Variants in ATF2 observed in about 807,000 individuals in gnomAD.
ATF2 encodes cyclic AMP-dependent transcription factor ATF-2.
In ATF2, 24 loss-of-function variants were observed where a neutral mutation model predicts 60.6. The ratio of observed to expected loss-of-function variants is 0.40; its 90% CI spans 0.29 to 0.56. The LOEUF is 0.56. ATF2 is among the 20% of genes least tolerant of loss of function. ATF2 has a pLI of 0.54. For synonymous variants in ATF2, 206 were observed against 215.4 expected, an observed-to-expected ratio of 0.96 and a Z score of 0.38; for missense variants, 433 against 607.7, an observed-to-expected ratio of 0.71 and a Z score of 3.02.
intron 12 of ATF2, among the ~76,000 whole-genome samples, chr2:175,082,340 A>C (rs916271343): frequency 2.6e-5 from 4 of 152,186 alleles, no homozygotes; most frequent in African/African-American, 9.6e-5. Flanking sequence ...CAAAAGGTAA[A>C]ATTTAAAACA....
At chr2:175,141,617 T>G (rs980393620) in intron 2 of ATF2, among the ~76,000 whole-genome samples, 26 of 151,942 alleles carry the variant, frequency 1.7e-4, no homozygotes, top group African/African-American at 6.3e-4. Flanking sequence ...CTCAGCCTCC[T>G]AAGTAGCTGG....
At position 175,150,324 on chromosome 2, in the gene ATF2, T is replaced by C. The variant is rs531117601; in HGVS notation, c.-44+736A>G. Among the ~76,000 whole-genome samples the C allele has an allele frequency of 2.6e-5, 4 of 152,314 alleles. No individual in the cohort carries two copies. In the East Asian group the frequency reaches 7.7e-4, roughly 29 times the overall value. On this transcript the variant is annotated intron_variant, in intron 2 of 13. Coordinates refer to ENST00000264110, the MANE Select transcript of ATF2 (RefSeq NM_001880.4). Reference sequence around the variant, plus strand: ...AAAAAACCCAATCTGCTTGTATATTTTGATATATCTAACAAAGTCTATCAC... The same window carrying C: ...AAAAAACCCAATCTGCTTGTATATTCTGATATATCTAACAAAGTCTATCAC...
chr2:175,119,095 T>C lies in ATF2; in HGVS notation c.200-726A>G, dbSNP rs544743351. Among the ~76,000 whole-genome samples, 6 of 151,790 alleles carry C rather than the reference T, an allele frequency of 4.0e-5. No individual in the cohort carries two copies. The East Asian group carries it at 9.6e-4, about 24-fold the overall frequency. Reference sequence around the variant, plus strand: ...TCAACTTTACTCGAATATGTACTCCTACTATGTACATTAACATAGGTACTC... The same window carrying C: ...TCAACTTTACTCGAATATGTACTCCCACTATGTACATTAACATAGGTACTC... On this transcript the variant is annotated intron_variant, in intron 5 of 13. Transcript: ENST00000264110.
At chr2:175,086,542 A>C (rs1161842923) in intron 12 of ATF2, among the ~76,000 whole-genome samples, 1 of 152,102 alleles carries the variant, frequency 6.6e-6, no homozygotes, top group Non-Finnish European at 1.5e-5. Flanking sequence ...AAGAGACAAA[A>C]GCTGAGTGGT....
At chr2:175,078,457 G>A (rs975915354) in intron 13 of ATF2, among the ~76,000 whole-genome samples, 2 of 152,136 alleles carry the variant, frequency 1.3e-5, no homozygotes, top group Non-Finnish European at 2.9e-5. Flanking sequence ...TATTTAAAAT[G>A]TACTCTTAGT....
rs539563388 is a variant in ATF2, at chr2:175,073,723, A to C, written c.*886T>G. The C allele has an allele frequency of 6.6e-6, 1 of 152,266 alleles. No individual in the cohort carries two copies. Among genetic ancestry groups the C allele is most frequent in the South Asian group, 2.1e-4 (1 of 4,828 alleles). 9.4% of individuals were successfully genotyped at this position (152,266 alleles called of 1,614,324 possible). ...CTTTTCTGGCAACCATACCATACTTAATTATGCATAAACTTTGCAGTTTGT... is the reference window on the plus strand; with the variant it reads ...CTTTTCTGGCAACCATACCATACTTCATTATGCATAAACTTTGCAGTTTGT... On this transcript the variant is annotated 3_prime_UTR_variant, in exon 14 of 14. Transcript: ENST00000264110.
chr2:175,075,798 T>C (rs1434872638), intron 13 of ATF2, among the ~76,000 whole-genome samples: 2 of 152,160 alleles, frequency 1.3e-5, no homozygotes, highest in Non-Finnish European at 2.9e-5. Flanking sequence ...ACCATTCTCG[T>C]TTTTTCTCTG....
chr2:175,074,083 T>C lies in ATF2; in HGVS notation c.*526A>G, dbSNP rs1653236902. 6.6e-6 allele frequency: 1 copy of C among 152,394 alleles called. No individual in the cohort carries two copies. Among genetic ancestry groups the C allele is most frequent in the Admixed American group, 6.5e-5 (1 of 15,272 alleles). The allele number at this position is 152,394 out of a possible 1,614,324, so 9.4% of individuals were successfully genotyped here. A position where few individuals can be genotyped will look rare whatever the true frequency, so the allele number is the denominator to read the frequency against. Reference sequence around the variant, plus strand: ...AAGTGTTCTTTAATGTTTTTCCTTTTGCATAATGTGCAAAATAAAAGGCAA... The same window carrying C: ...AAGTGTTCTTTAATGTTTTTCCTTTCGCATAATGTGCAAAATAAAAGGCAA... On this transcript the variant is annotated 3_prime_UTR_variant, in exon 14 of 14. Transcript: ENST00000264110.
rs544914264 is a variant in ATF2, at chr2:175,139,078, T to C, written c.-43-2592A>G. ...ATTTTAAAATAGTATATGTAAAGTATATAGCACAATGCTCGGCACATGAGT... is the reference window on the plus strand; with the variant it reads ...ATTTTAAAATAGTATATGTAAAGTACATAGCACAATGCTCGGCACATGAGT... On this transcript the variant is annotated intron_variant, in intron 2 of 13. Transcript: ENST00000264110. Among the ~76,000 whole-genome samples the C allele has an allele frequency of 7.2e-5, 11 of 152,334 alleles. No homozygotes were observed. In the South Asian group the frequency reaches 2.3e-3, roughly 32 times the overall value.
chr2:175,089,784 T>C lies in ATF2; in HGVS notation c.1185+3277A>G, dbSNP rs186389455. On this transcript the variant is annotated intron_variant, in intron 12 of 13. Transcript: ENST00000264110. ...TTGAAGCAATAACAGAAAGTCATCA[T>C]TGAAGTACCCTTTCTTCCCAAACCA... Among the ~76,000 whole-genome samples, 242 of 152,290 alleles carry C rather than the reference T, an allele frequency of 1.6e-3. 2 individuals are homozygous for C. The highest frequency in any genetic ancestry group is 5.5e-3 in the African/African-American group (228 of 41,554).
At chr2:175,147,300 C>A (rs1699025522) in intron 2 of ATF2, among the ~76,000 whole-genome samples, 1 of 152,128 alleles carries the variant, frequency 6.6e-6, no homozygotes, top group Non-Finnish European at 1.5e-5. Context: ...TTTCCTACAT[C>A]CCTATCAAAA....
Position 175,074,702 on chromosome 2 carries a change from T to C in ATF2, c.1425A>G (p.Ser475=), listed in dbSNP as rs556817471. The change falls in exon 14 of 14, where the codon TCA becomes TCG. Residue 475 remains serine, a synonymous_variant. Transcript: ENST00000264110. ...STSKAEAVAT[S]VLTQMADQST... is the part of the protein sequence containing the mutation. ...TCTGGTCCGCCATCTGGGTGAGGAC[T>C]GAAGTGGCTACAGCTTCTGCCTTGG... The C allele has an allele frequency of 6.2e-7, 1 of 1,613,536 alleles. No individual in the cohort carries two copies. Among genetic ancestry groups the C allele is most frequent in the East Asian group, 2.2e-5 (1 of 44,850 alleles).
At chr2:175,132,125 G>A (rs1424829927) in intron 3 of ATF2, among the ~76,000 whole-genome samples, 1 of 152,112 alleles carries the variant, frequency 6.6e-6, no homozygotes, top group Non-Finnish European at 1.5e-5. Flanking sequence ...ATCCTTGTGA[G>A]ATAATGAGAA....
chr2:175,095,111 T>A (rs1050539251), intron 11 of ATF2, among the ~76,000 whole-genome samples: 2 of 151,994 alleles, frequency 1.3e-5, no homozygotes, highest in Non-Finnish European at 2.9e-5. Context: ...TTTCTTTTTT[T>A]TTTTGAGATG....
In ATF2 at chr2:175,079,583, T is replaced by C. The variant is rs558476238; in HGVS notation, c.1291+1077A>G. Among the ~76,000 whole-genome samples, 70 of 152,124 alleles carry C rather than the reference T, an allele frequency of 4.6e-4. 1 individual carries two copies. The highest frequency in any genetic ancestry group is 4.6e-3 in the Admixed American group (70 of 15,250). On this transcript the variant is annotated intron_variant, in intron 13 of 13. Coordinates refer to ENST00000264110, the MANE Select transcript of ATF2 (RefSeq NM_001880.4). ...TGCTCAAAACTGACAAAAATCAGCGTTCTAAATATATATGGCAATTGAGAG... is the reference window on the plus strand; with the variant it reads ...TGCTCAAAACTGACAAAAATCAGCGCTCTAAATATATATGGCAATTGAGAG...
chr2:175,074,971 G>C, intron 13 of ATF2, 136 bp from the exon 14 acceptor site: 2 of 1,520,544 alleles, frequency 1.3e-6, no homozygotes, highest in South Asian at 1.2e-5. Flanking sequence ...TACAGCAATT[G>C]ATATAGGTCA....
chr2:175,145,523 G>C (rs1295311429), intron 2 of ATF2, among the ~76,000 whole-genome samples: 1 of 152,178 alleles, frequency 6.6e-6, no homozygotes, highest in Admixed American at 6.5e-5. Flanking sequence ...TGTATAGCCT[G>C]TGGAACCAGG....
chr2:175,092,973 T>C, intron 12 of ATF2, 88 bp downstream of exon 12: 3 of 1,388,096 alleles, frequency 2.2e-6, no homozygotes, highest in Admixed American at 4.1e-5. Flanking sequence ...TGTCCTAAAA[T>C]GTTTGGAGGC....
intron 11 of ATF2, among the ~76,000 whole-genome samples, chr2:175,093,602 G>T (rs912264353): frequency 2.6e-5 from 4 of 151,942 alleles, no homozygotes; most frequent in African/African-American, 9.7e-5. Flanking sequence ...TATTTTAACA[G>T]ATTTTATTAT....
Sources: gnomAD v4.1 joint callset for allele counts (sites outside exome capture counted in the v4.1 genomes callset) on GRCh38, gnomAD v4.1.1 for gene constraint, MANE v1.5 for transcripts, NCBI Gene and HGNC (gene_info 2026-07-23, HGNC 2026-07-21) for gene names.